ZBTB46: variants seen among roughly 807,000 people sequenced by gnomAD.
ZBTB46 encodes zinc finger and BTB domain containing 46, also known as zinc finger and BTB domain-containing protein 46.
ZBTB46 carries 8 observed loss-of-function variants against 44.1 expected under a neutral mutation model. That is an observed-to-expected ratio of 0.18 (90% CI 0.11 to 0.33). ZBTB46 has a LOEUF of 0.33. ZBTB46 is among the 10% of genes least tolerant of loss of function. The pLI is 1.00. For missense variants in ZBTB46, 651 were observed against 847.7 expected (o/e 0.77, Z 2.88); for synonymous variants, 409 against 382.3 (o/e 1.07, Z -0.81).
At chr20:63,791,163 C>T (rs2092557614) in intron 1 of ZBTB46, among the ~76,000 whole-genome samples, 1 of 152,210 alleles carries the variant, frequency 6.6e-6, no homozygotes, top group African/African-American at 2.4e-5. Context: ...ACACTGTGGC[C>T]ATCCCTCACG....
rs1292331511 is a variant in ZBTB46 at position 63,745,532 on chromosome 20, G to A, written c.*1398C>T. ...GTAAAAACTCTTTCCACGCAGCCCT[G>A]AAGCTCAGCACTCCGGGGGGTCTTC... is the stretch of plus-strand genomic sequence containing the variant. On this transcript the variant is annotated 3_prime_UTR_variant, in exon 5 of 5. Transcript: ENST00000245663. 6.6e-6 allele frequency: 1 copy of A among 152,318 alleles called. No homozygotes were observed. The highest frequency in any genetic ancestry group is 1.5e-5 in the Non-Finnish European group (1 of 68,084). 9.4% of individuals were successfully genotyped at this position (152,318 alleles called of 1,614,324 possible). A position where few individuals can be genotyped will look rare whatever the true frequency, so the allele number is the denominator to read the frequency against.
chr20:63,795,283 C>T (rs571179986), intron 1 of ZBTB46, among the ~76,000 whole-genome samples: 22 of 152,362 alleles, frequency 1.4e-4, no homozygotes, highest in African/African-American at 5.0e-4. Flanking sequence ...GCTCCAAACT[C>T]ACAAGCCGCG....
chr20:63,831,314 G>GCGCGC (rs1473289082), upstream of ZBTB46: 9 of 136,280 alleles, frequency 6.6e-5, no homozygotes, highest in Non-Finnish European at 1.1e-4. Context: ...GCGCGCGCGC[G>GCGCGC]CCCCGCCCGC....
intron 1 of ZBTB46, among the ~76,000 whole-genome samples, chr20:63,806,919 A>C (rs1314749609): frequency 2.6e-5 from 4 of 152,066 alleles, no homozygotes; most frequent in Non-Finnish European, 5.9e-5. Flanking sequence ...AGTAGCTGGG[A>C]CTACCAGCGC....
Position 63,802,636 on chromosome 20 carries a change from G to A in ZBTB46, c.-33-11846C>T, listed in dbSNP as rs1275007403. ...GACCCCCAGCACCCTCCCAGGAACCGCGGTGGGCCGACAACCGAACCTCAG... is the reference window on the plus strand; with the variant it reads ...GACCCCCAGCACCCTCCCAGGAACCACGGTGGGCCGACAACCGAACCTCAG... On this transcript the variant is annotated intron_variant, in intron 1 of 4. Transcript: ENST00000245663. Among the ~76,000 whole-genome samples the A allele has an allele frequency of 2.7e-5, 4 of 149,256 alleles. No homozygotes were observed. The South Asian group carries it at 8.6e-4, about 32-fold the overall frequency.
intron 3 of ZBTB46, among the ~76,000 whole-genome samples, chr20:63,768,576 C>T (rs2092339976): frequency 6.6e-6 from 1 of 151,710 alleles, no homozygotes; most frequent in Non-Finnish European, 1.5e-5. Context: ...CACTGCACTC[C>T]AGCCTGGGTG....
chr20:63,754,235 C>T (rs2092198589), intron 3 of ZBTB46, among the ~76,000 whole-genome samples: 1 of 152,220 alleles, frequency 6.6e-6, no homozygotes, highest in African/African-American at 2.4e-5. Context: ...CCAAGCTCTT[C>T]CTGGCCTGTC....
intron 1 of ZBTB46, among the ~76,000 whole-genome samples, chr20:63,802,536 A>G (rs2092654286): frequency 6.6e-6 from 1 of 152,128 alleles, no homozygotes; most frequent in South Asian, 2.1e-4. Context: ...GGCCCCGGCA[A>G]GAGGCTGGAG....
In ZBTB46 at chr20:63,752,840, C is replaced by T. The variant is rs970452525; in HGVS notation, c.1244G>A (p.Arg415Lys). The change falls in exon 4 of 5, where the codon AGG becomes AAG. Residue 415 changes from arginine to lysine, a missense_variant. Physicochemically the swap from Arg to Lys is conservative, Grantham distance 26. Transcript: ENST00000245663. This position sits in a 1 kb window ranked among gnomAD's most constrained non-coding sequence, Gnocchi z 5.6. The stretch of plus-strand genomic sequence containing the variant: ...GCAGTACGGACACTTGAACTTCTTC[C>T]TGATCACCGTGAACTCATTCACTGA... ...SLSLNEFTVI[R>K]KKFKCPYCSF... 5.0e-6 allele frequency: 8 copies of T among 1,609,876 alleles called. No homozygotes were observed. Among genetic ancestry groups the T allele is most frequent in the Non-Finnish European group, 5.9e-6 (7 of 1,177,418 alleles).
chr20:63,748,759 C>A (rs1049416693), intron 4 of ZBTB46, among the ~76,000 whole-genome samples: 1 of 152,252 alleles, frequency 6.6e-6, no homozygotes, highest in Non-Finnish European at 1.5e-5. Flanking sequence ...CCTGCAGCAC[C>A]TCTGAGGCTG....
intron 1 of ZBTB46, among the ~76,000 whole-genome samples, chr20:63,815,725 G>A (rs1441318823): frequency 6.7e-6 from 1 of 150,036 alleles, no homozygotes; most frequent in African/African-American, 2.5e-5. Context: ...AGTGGGTGCA[G>A]GTGCAGTAGG....
intron 2 of ZBTB46, among the ~76,000 whole-genome samples, chr20:63,783,900 G>A (rs549075317): frequency 6.6e-6 from 1 of 152,218 alleles, no homozygotes; most frequent in East Asian, 1.9e-4. Flanking sequence ...GGCTGTGAAA[G>A]GTGTTCAGGA....
At chr20:63,800,628 G>A (rs1480300157) in intron 1 of ZBTB46, among the ~76,000 whole-genome samples, 1 of 152,236 alleles carries the variant, frequency 6.6e-6, no homozygotes, top group Non-Finnish European at 1.5e-5. Context: ...TTCCGGGTGG[G>A]TGTGGGCTTG....
At position 63,771,276 on chromosome 20, in the gene ZBTB46, G is replaced by A. The variant is rs568211868; in HGVS notation, c.1222+4402C>T. Among the ~76,000 whole-genome samples the A allele has an allele frequency of 1.3e-3, 199 of 152,130 alleles. 3 individuals are homozygous for A. Among genetic ancestry groups the A allele is most frequent in the African/African-American group, 4.6e-3 (192 of 41,526 alleles). On this transcript the variant is annotated intron_variant, in intron 3 of 4. Transcript: ENST00000245663. ...GCATTTCCAGAGCTGCAAGATGGCG[G>A]GGGGGCTACGCCACAAGCTGCAATG...
chr20:63,758,722 GGA>G (rs1397898348), intron 3 of ZBTB46, among the ~76,000 whole-genome samples: 1 of 135,742 alleles, frequency 7.4e-6, no homozygotes, highest in East Asian at 2.2e-4. Context: ...ATCAACTTAA[GGA>G]GAGTCACATC....
intron 2 of ZBTB46, 73 bp downstream of exon 2, chr20:63,789,748 T>C: frequency 1.3e-6 from 2 of 1,534,104 alleles, no homozygotes; most frequent in Non-Finnish European, 1.7e-6. Flanking sequence ...CGTCACTGCC[T>C]CCGCACAGCA....
chr20:63,809,568 C>G (rs1042796260), intron 1 of ZBTB46, among the ~76,000 whole-genome samples: 1 of 152,194 alleles, frequency 6.6e-6, no homozygotes, highest in African/African-American at 2.4e-5. Flanking sequence ...TTCTCCCTTA[C>G]GAAGTTAGCC....
intron 1 of ZBTB46, 114 bp from the exon 2 acceptor site, chr20:63,790,904 G>C: frequency 7.2e-7 from 1 of 1,393,902 alleles, no homozygotes; most frequent in Non-Finnish European, 9.4e-7. Flanking sequence ...GTGGGAGGAC[G>C]ACCCACGCGA....
chr20:63,808,746 G>A (rs1239943270), intron 1 of ZBTB46, among the ~76,000 whole-genome samples: 1 of 152,046 alleles, frequency 6.6e-6, no homozygotes, highest in Non-Finnish European at 1.5e-5. Flanking sequence ...AGGCCGAGGC[G>A]GGCGGATGGT....
Sources: allele counts gnomAD v4.1 joint callset (sites outside exome capture counted in the v4.1 genomes callset), GRCh38; gene constraint gnomAD v4.1.1; non-coding constraint Gnocchi (gnomAD v3.1); transcripts MANE v1.5; gene names NCBI Gene and HGNC (gene_info 2026-07-23, HGNC 2026-07-21).